Variants in PPP2R2D observed in about 807,000 individuals in gnomAD.
PPP2R2D encodes serine/threonine-protein phosphatase 2A 55 kDa regulatory subunit B delta isoform.
PPP2R2D carries 9 observed loss-of-function variants against 31.1 expected under a neutral mutation model. The ratio of observed to expected loss-of-function variants is 0.29; its 90% confidence interval spans 0.17 to 0.51. The LOEUF (loss-of-function observed/expected upper bound fraction) is 0.51. Among genes scored for constraint, PPP2R2D ranks in the 20% least tolerant of loss-of-function variants. PPP2R2D has a pLI of 0.98. For missense variants in PPP2R2D, 391 were observed against 465.6 expected (o/e 0.84, Z 1.48); for synonymous variants, 179 against 172.6 (o/e 1.04, Z -0.29).
chr10:131,937,275 A>T (rs2036360765), intron 3 of PPP2R2D, among the ~76,000 whole-genome samples: 2 of 152,134 alleles, frequency 1.3e-5, no homozygotes, highest in Admixed American at 1.3e-4. Flanking sequence ...TTCTGTGCAG[A>T]TTAAGTCTTA....
At chr10:131,967,703 ATTTATT>A in the PPP2R2D span, 1 of 152,694 alleles carries the variant, frequency 6.5e-6, no homozygotes, top group South Asian at 2.1e-4. Context: ...TTTGGCAAAG[ATTTATT>A]TTTTTTTCCA....
intron 2 of PPP2R2D, among the ~76,000 whole-genome samples, chr10:131,905,105 C>T (rs1234894397): frequency 6.6e-6 from 1 of 151,858 alleles, no homozygotes; most frequent in Non-Finnish European, 1.5e-5. Context: ...GCTGAGCTCA[C>T]AAGGAAGTTA....
intron 2 of PPP2R2D, among the ~76,000 whole-genome samples, chr10:131,934,190 A>G (rs2036296241): frequency 6.6e-6 from 1 of 152,086 alleles, no homozygotes. Context: ...TTATCAAGAC[A>G]ACCTAGTCTA....
chr10:131,914,596 G>A (rs782577186), intron 2 of PPP2R2D, among the ~76,000 whole-genome samples: 17 of 152,168 alleles, frequency 1.1e-4, no homozygotes, highest in Non-Finnish European at 1.8e-4. Context: ...ATGCCTAAAA[G>A]TAGTGAGGCG....
intron 6 of PPP2R2D, among the ~76,000 whole-genome samples, chr10:131,944,572 C>G (rs1029410015): frequency 6.6e-6 from 1 of 152,162 alleles, no homozygotes; most frequent in Non-Finnish European, 1.5e-5. Context: ...TGTGCACAGT[C>G]TGGGTGGCCC....
At chr10:131,911,168 T>A (rs1399154580) in intron 2 of PPP2R2D, among the ~76,000 whole-genome samples, 1 of 152,206 alleles carries the variant, frequency 6.6e-6, no homozygotes, top group East Asian at 1.9e-4. Context: ...GGGGGCAGTC[T>A]TGTGGGACAG....
chr10:131,944,750 A>T (rs1466988735), intron 6 of PPP2R2D, among the ~76,000 whole-genome samples: 1 of 152,150 alleles, frequency 6.6e-6, no homozygotes, highest in African/African-American at 2.4e-5. Context: ...TTGAAGGGTG[A>T]AACTGGGACT....
intron 4 of PPP2R2D, 144 bp downstream of exon 4, chr10:131,940,340 G>A (rs2036420040): frequency 1.7e-6 from 1 of 578,444 alleles, no homozygotes; most frequent in Non-Finnish European, 3.1e-6. Context: ...GCAAGTGATA[G>A]GTTGAAAATT....
chr10:131,961,016 C>G (rs543415756), downstream of PPP2R2D, among the ~76,000 whole-genome samples: 4 of 152,248 alleles, frequency 2.6e-5, no homozygotes, highest in Middle Eastern at 3.4e-3. Flanking sequence ...GTGCTGGGAT[C>G]GCCAAGGGAG....
chr10:131,918,317 G>A (rs1679256006), intron 2 of PPP2R2D, among the ~76,000 whole-genome samples: 1 of 149,222 alleles, frequency 6.7e-6, no homozygotes, highest in Admixed American at 6.6e-5. Context: ...TCTCACGTGG[G>A]TGGAATGACA....
At position 131,956,262 on chromosome 10, in the gene PPP2R2D, A is replaced by C; in HGVS notation, c.*299A>C. ...ATTTCAGTCCGAGCCTTCCTTTCCA[A>C]TTTATAGACCAAAAAATTAACATCC... On this transcript the variant is annotated 3_prime_UTR_variant, in exon 9 of 9. Transcript: ENST00000455566. 9.2e-7 allele frequency: 1 copy of C among 1,085,722 alleles called. No homozygotes were observed. 67.3% of individuals were successfully genotyped at this position (1,085,722 alleles called of 1,614,324 possible).
the PPP2R2D span, chr10:131,971,012 C>A: frequency 3.8e-6 from 6 of 1,579,076 alleles, no homozygotes; most frequent in Non-Finnish European, 5.2e-6. Flanking sequence ...GTGTACCACA[C>A]GTGACACGGG....
At chr10:131,970,799 AG>A in the PPP2R2D span, 1 of 1,614,214 alleles carries the variant, frequency 6.2e-7, no homozygotes. The surrounding 1 kb of genome is among the most constrained non-coding windows in gnomAD (Gnocchi z 4.1). Flanking sequence ...TGAGGCGGGA[AG>A]AAACGTGTCA....
rs1455493484 is a variant in PPP2R2D, at chr10:131,940,881, A to G, written c.477+187A>G. The G allele has an allele frequency of 9.8e-6, 5 of 512,586 alleles. No homozygotes were observed. In the East Asian group the frequency reaches 1.5e-4, roughly 16 times the overall value. 31.8% of individuals were successfully genotyped at this position (512,586 alleles called of 1,614,324 possible). On this transcript the variant is annotated intron_variant, in intron 5 of 8. Transcript: ENST00000455566. ...GCAAGGTCTTTCTCCTGTTTTCACA[A>G]AGGCAGAAAGTCACATGTGGTCCTT... is the stretch of plus-strand genomic sequence containing the variant.
In PPP2R2D at chr10:131,957,347, T is replaced by C; in HGVS notation, c.*1384T>C. The C allele has an allele frequency of 5.2e-6, 1 of 192,960 alleles. No homozygotes were observed. Among genetic ancestry groups the C allele is most frequent in the Non-Finnish European group, 1.1e-5 (1 of 93,090 alleles). 12.0% of individuals were successfully genotyped at this position (192,960 alleles called of 1,614,324 possible). A position where few individuals can be genotyped will look rare whatever the true frequency, so the allele number is the denominator to read the frequency against. On this transcript the variant is annotated 3_prime_UTR_variant, in exon 9 of 9. Transcript: ENST00000455566. Reference sequence around the variant, plus strand: ...CCCCTGTGGAGAAGGAGGTGTGTGCTGATCCCCTGTGCCCTGTGGAGATGG... The same window carrying C: ...CCCCTGTGGAGAAGGAGGTGTGTGCCGATCCCCTGTGCCCTGTGGAGATGG...
chr10:131,924,635 T>A (rs1411815226), intron 2 of PPP2R2D, among the ~76,000 whole-genome samples: 1 of 152,100 alleles, frequency 6.6e-6, no homozygotes, highest in Non-Finnish European at 1.5e-5. Context: ...AAAGATCATT[T>A]TGGCTATTCT....
At chr10:131,971,141 G>A in the PPP2R2D span, 916 of 632,922 alleles carry the variant, frequency 1.4e-3, 11 homozygotes, top group South Asian at 0.014. Context: ...GGCCTTCCCC[G>A]GGCCGCGCCG....
At chr10:131,971,404 G>T in the PPP2R2D span, 1 of 188,262 alleles carries the variant, frequency 5.3e-6, no homozygotes, top group Non-Finnish European at 1.1e-5. Context: ...ACTGTATAGT[G>T]AGCAGGTTTA....
At chr10:131,948,408 TAGAATTTTTGTTC>T (rs2036580456) in intron 8 of PPP2R2D, among the ~76,000 whole-genome samples, 1 of 152,224 alleles carries the variant, frequency 6.6e-6, no homozygotes, top group African/African-American at 2.4e-5. Flanking sequence ...CATTTTTATA[TAGAATTTTTGTTC>T]AGAATTCAAG....
Sources: gnomAD v4.1 joint callset for allele counts (sites outside exome capture counted in the v4.1 genomes callset) on GRCh38, gnomAD v4.1.1 for gene constraint, Gnocchi (gnomAD v3.1) non-coding constraint, MANE v1.5 for transcripts, NCBI Gene and HGNC (gene_info 2026-07-23, HGNC 2026-07-21) for gene names.